The following FRY variants were observed in gnomAD, a reference collection of about 807,000 sequenced individuals.
FRY encodes the protein FRY microtubule binding protein.
A neutral mutation model predicts 348.4 loss-of-function variants in FRY; 128 were observed. The ratio of observed to expected loss-of-function variants is 0.37; its 90% CI spans 0.32 to 0.43. The LOEUF (loss-of-function observed/expected upper bound fraction) is 0.43. Ranked by LOEUF, FRY falls within the 20% of genes least tolerant of loss-of-function variation. FRY has a pLI of 1.00. For synonymous variants in FRY, 1,370 were observed against 1,374.7 expected, an observed-to-expected ratio of 1.00 and a Z score of 0.08; for missense variants, 2,736 against 3,695.2, an observed-to-expected ratio of 0.74 and a Z score of 6.73.
chr13:32,108,669 G>A (rs1877740079), intron 3 of FRY, among the ~76,000 whole-genome samples: 1 of 152,152 alleles, frequency 6.6e-6, no homozygotes, highest in Non-Finnish European at 1.5e-5. Context: ...TTTCATGTGG[G>A]GGAGGGAAGT....
At chr13:32,034,393 G>A (rs145055588) in intron 1 of FRY, among the ~76,000 whole-genome samples, 6 of 152,200 alleles carry the variant, frequency 3.9e-5, no homozygotes, top group East Asian at 1.9e-4. Context: ...GCTTTCATTC[G>A]ATGTTCATTT....
At chr13:32,099,321 TA>T (rs1220832416) in intron 2 of FRY, among the ~76,000 whole-genome samples, 5 of 151,330 alleles carry the variant, frequency 3.3e-5, no homozygotes, top group Admixed American at 3.3e-4. Context: ...AATACAGAGA[TA>T]TATATATATA....
chr13:32,138,020 T>C (rs1879828821), intron 11 of FRY, among the ~76,000 whole-genome samples: 1 of 152,214 alleles, frequency 6.6e-6, no homozygotes, highest in Admixed American at 6.5e-5. Context: ...CAGTGAAATA[T>C]AATAGCAGTG....
chr13:32,248,779 C>G (rs1467962391), intron 48 of FRY, among the ~76,000 whole-genome samples: 1 of 152,116 alleles, frequency 6.6e-6, no homozygotes, highest in Non-Finnish European at 1.5e-5. Context: ...GGGGGAAAAG[C>G]TATTTTTTCT....
At chr13:32,155,735 T>A in intron 15 of FRY, 73 bp downstream of exon 15, 1 of 990,094 alleles carries the variant, frequency 1.0e-6, no homozygotes, top group Non-Finnish European at 1.5e-6. Flanking sequence ...TTATCTTTAG[T>A]GAGATGCAGT....
At position 32,244,175 on chromosome 13, in the gene FRY, A is replaced by G; in HGVS notation, c.6821A>G (p.Tyr2274Cys). 6.2e-7 allele frequency: 1 copy of G among 1,613,478 alleles called. No homozygotes were observed. The highest frequency in any genetic ancestry group is 1.1e-5 in the South Asian group (1 of 91,062). The change falls in exon 47 of 61, where the codon TAT becomes TGT. Residue 2274 changes from tyrosine (Y) to cysteine (C), a missense_variant. By Grantham distance (194) the Tyr-to-Cys change is radical (BLOSUM62 -2). Around this residue, in one of 9 missense-constraint regions of FRY, gnomAD observed 789 missense variants for 996.2 expected, o/e 0.79. Transcript: ENST00000542859. ...GAAGTTCTGAAGACAATTGAAAAAT[A>G]TGTGCAAGTGAGTACTTGGATAACT... ...NVEVLKTIEK[Y>C]VQSVHWREAL...
rs758115417 is a variant in FRY at position 32,178,847 on chromosome 13, C to T, written c.2685C>T (p.Ser895=). The change falls in exon 22 of 61, where the codon AGC becomes AGT. Residue 895 remains serine (S), a synonymous_variant. Transcript: ENST00000542859. ...QSVMPLVDPN[S]PINAKKTSTA... ...GTTTTCGACTCCATATTTCTAGTAG[C>T]CCAATTAATGCCAAGAAAACCAGCA... The T allele has an allele frequency of 7.5e-6, 12 of 1,606,842 alleles. No individual in the cohort carries two copies. The highest frequency in any genetic ancestry group is 1.7e-5 in the Admixed American group (1 of 59,988).
chr13:32,075,948 A>G (rs556428602), intron 1 of FRY, among the ~76,000 whole-genome samples: 5 of 152,298 alleles, frequency 3.3e-5, no homozygotes, highest in Middle Eastern at 3.4e-3. Context: ...GGCTGTTCAT[A>G]TAGTTTTATC....
At chr13:32,251,760 A>G in intron 49 of FRY, 118 bp from the exon 50 acceptor site, 1 of 740,106 alleles carries the variant, frequency 1.4e-6, no homozygotes, top group Admixed American at 1.8e-5. Flanking sequence ...TGTGTATTTT[A>G]CATTTCATTC....
At chr13:32,281,965 C>A (rs1888829088) in intron 58 of FRY, among the ~76,000 whole-genome samples, 1 of 152,162 alleles carries the variant, frequency 6.6e-6, no homozygotes, top group South Asian at 2.1e-4. Flanking sequence ...GCAGAGTACA[C>A]AAATCAGGCA....
Position 32,282,552 on chromosome 13 carries a change from C to T in FRY, c.8469+4004C>T, listed in dbSNP as rs1265327010. ...AGACAGGCATATGAAAGCTTCTCAA[C>T]CCCCAAGCCCTACCCAGTCTGGTCC... On this transcript the variant is annotated intron_variant, in intron 58 of 60. Transcript: ENST00000542859. Among the ~76,000 whole-genome samples the T allele has an allele frequency of 2.0e-5, 3 of 152,262 alleles. No individual in the cohort carries two copies. In the East Asian group the frequency reaches 5.8e-4, roughly 29 times the overall value.
At chr13:32,204,142 C>G (rs1351100659) in intron 31 of FRY, among the ~76,000 whole-genome samples, 1 of 152,200 alleles carries the variant, frequency 6.6e-6, no homozygotes, top group Non-Finnish European at 1.5e-5. Flanking sequence ...CAACCTTTCA[C>G]TAGTTGTTTG....
intron 28 of FRY, among the ~76,000 whole-genome samples, 186 bp from the exon 29 acceptor site, chr13:32,193,956 AT>A (rs1407390108): frequency 6.6e-6 from 1 of 152,204 alleles, no homozygotes; most frequent in Non-Finnish European, 1.5e-5. Flanking sequence ...ATCAAATTTA[AT>A]GTATACATTT....
intron 20 of FRY, among the ~76,000 whole-genome samples, chr13:32,176,766 G>C (rs535908675): frequency 3.1e-4 from 47 of 152,314 alleles, no homozygotes; most frequent in African/African-American, 1.1e-3. Flanking sequence ...ACTGCAGTTA[G>C]GAAGATATAC....
Position 32,262,371 on chromosome 13 carries a change from T to A in FRY, c.7675T>A (p.Cys2559Ser). 6.2e-7 allele frequency: 1 copy of A among 1,613,514 alleles called. No homozygotes were observed. The highest frequency in any genetic ancestry group is 8.5e-7 in the Non-Finnish European group (1 of 1,179,422). Residue 2559 changes from cysteine (C) to serine (S), a missense_variant, in exon 53 of 61, where the codon TGT becomes AGT. Cys to Ser is a moderately radical substitution (Grantham distance 112). Around this residue, in one of 9 missense-constraint regions of FRY, gnomAD observed 789 missense variants for 996.2 expected, o/e 0.79. Coordinates refer to ENST00000542859, the MANE Select transcript of FRY (RefSeq NM_023037.3). ...TCCCATGGAGCTGCTCACCACAGCC[T>A]GTGACTCGACCCCTGCAGAACCTCA... is the stretch of plus-strand genomic sequence containing the variant. Reference protein sequence around the residue: ...TNPMELLTTACDSTPAEPHSF... With the variant: ...TNPMELLTTASDSTPAEPHSF...
intron 35 of FRY, among the ~76,000 whole-genome samples, chr13:32,215,889 C>A (rs565348625): frequency 2.5e-4 from 38 of 152,268 alleles, no homozygotes; most frequent in African/African-American, 8.4e-4. Flanking sequence ...TTCAATATAT[C>A]AATCTTAATA....
Position 32,194,436 on chromosome 13 carries a change from G to A in FRY, c.3746+139G>A. On this transcript the variant is annotated intron_variant, in intron 29 of 60. Coordinates refer to ENST00000542859, the MANE Select transcript of FRY (RefSeq NM_023037.3). ...ATATAAAATGTTCTGTATGTCCCCAGCAGGTAAACTACTCCCTGTAAGGTT... is the reference window on the plus strand; with the variant it reads ...ATATAAAATGTTCTGTATGTCCCCAACAGGTAAACTACTCCCTGTAAGGTT... The A allele has an allele frequency of 6.8e-6, 5 of 736,468 alleles. 1 individual carries two copies. The South Asian group carries it at 8.0e-5, about 12-fold the overall frequency. 45.6% of individuals were successfully genotyped at this position (736,468 alleles called of 1,614,324 possible).
At chr13:32,210,727 C>G (rs2138358680) in intron 33 of FRY, 139 bp from the exon 34 acceptor site, 1 of 735,210 alleles carries the variant, frequency 1.4e-6, no homozygotes, top group Non-Finnish European at 2.4e-6. Flanking sequence ...TTGGTCCATC[C>G]TAGGATAGCA....
chr13:32,236,664 A>G (rs1442870962), intron 43 of FRY, among the ~76,000 whole-genome samples: 1 of 152,016 alleles, frequency 6.6e-6, no homozygotes, highest in African/African-American at 2.4e-5. Context: ...ATGTTTAATA[A>G]TTCATTTCAA....
Sources: allele counts gnomAD v4.1 joint callset (sites outside exome capture counted in the v4.1 genomes callset), GRCh38; gene constraint gnomAD v4.1.1; regional missense constraint gnomAD v4.1.1; transcripts MANE v1.5; gene names NCBI Gene and HGNC (gene_info 2026-07-23, HGNC 2026-07-21).